GRTP1: variants seen among roughly 807,000 people sequenced by gnomAD.
GRTP1 encodes growth hormone regulated TBC protein 1.
A neutral mutation model predicts 38.1 loss-of-function variants in GRTP1; 56 were observed. The ratio of observed to expected loss-of-function variants is 1.47; its 90% CI spans 1.19 to 1.84. The LOEUF (loss-of-function observed/expected upper bound fraction) is 1.84, where lower values mean the gene tolerates loss of function less well. GRTP1 is among the 40% of genes most tolerant of loss of function. The pLI is 0.00. For synonymous variants in GRTP1, 217 were observed against 189.5 expected, an observed-to-expected ratio of 1.14 and a Z score of -1.19; for missense variants, 506 against 453.9, an observed-to-expected ratio of 1.11 and a Z score of -1.04.
In GRTP1 at chr13:113,363,967, G is replaced by A. The variant is rs563657007; in HGVS notation, c.32+53C>T. ...CCGAAGTTTCCTCTGGGGGGTCGCG[G>A]GCCCGCGCGGGGACCGCAGCCGCCG... On this transcript the variant is annotated intron_variant, in intron 1 of 7. Transcript: ENST00000375431. 1.6e-3 allele frequency: 2,429 copies of A among 1,558,250 alleles called. 10 individuals carry two copies. The highest frequency in any genetic ancestry group is 5.8e-3 in the South Asian group (497 of 85,532).
In GRTP1 at chr13:113,325,718, A is replaced by G. The variant is rs1403588635; in HGVS notation, c.864T>C (p.Asp288=). The change falls in exon 7 of 8, where the codon GAT becomes GAC. Residue 288 remains aspartate, a synonymous_variant. Coordinates refer to ENST00000375431, the MANE Select transcript of GRTP1 (RefSeq NM_024719.4). The part of the protein sequence containing the change: ...LEATSVPDIC[D]KFKQITKGSF... ...TCCCTTTGGTTATCTGCTTAAACTT[A>G]TCGCAAATGTCTGGAACGCTGGTGG... is the stretch of plus-strand genomic sequence containing the variant. The G allele has an allele frequency of 6.2e-7, 1 of 1,614,160 alleles. No homozygotes were observed.
At chr13:113,346,200 A>G (rs61966598) in intron 4 of GRTP1, among the ~76,000 whole-genome samples, 803 of 62,220 alleles carry the variant, frequency 0.013, 37 homozygotes, top group East Asian at 0.043. Context: ...GGCTGAGAGC[A>G]GACCCGGGAG....
At chr13:113,346,310 CAG>C (rs1469287912) in intron 4 of GRTP1, among the ~76,000 whole-genome samples, 1 of 51,692 alleles carries the variant, frequency 1.9e-5, no homozygotes, top group Non-Finnish European at 3.3e-5. Flanking sequence ...ACCTCTGTGG[CAG>C]AGAGCAGACC....
intron 5 of GRTP1, among the ~76,000 whole-genome samples, chr13:113,327,474 A>G (rs1047082999): frequency 7.2e-5 from 11 of 152,210 alleles, no homozygotes; most frequent in Non-Finnish European, 1.6e-4. Context: ...CACTGCGCCC[A>G]GTCTGTTCTT....
Position 113,325,690 on chromosome 13 carries a change from A to G in GRTP1, c.892T>C (p.Phe298Leu), listed in dbSNP as rs760861946. 12 of 1,614,246 alleles carry G rather than the reference A, an allele frequency of 7.4e-6. No individual in the cohort carries two copies. In the South Asian group the frequency reaches 1.3e-4, roughly 18 times the overall value. ...ATAAACGTGTGACACTCCATCACGA[A>G]ACTCCCTTTGGTTATCTGCTTAAAC... is the stretch of plus-strand genomic sequence containing the variant. ...DKFKQITKGS[F>L]VMECHTFMQK... The change falls in exon 7 of 8, where the codon TTC becomes CTC. Residue 298 changes from phenylalanine (F) to leucine (L), a missense_variant. Physicochemically the swap from Phe to Leu is conservative, Grantham distance 22 (BLOSUM62 0). Transcript: ENST00000375431.
Position 113,349,072 on chromosome 13 carries a change from C to T in GRTP1, c.465+1777G>A, listed in dbSNP as rs2043217051. On this transcript the variant is annotated intron_variant, in intron 4 of 7. Transcript: ENST00000375431. The surrounding 1 kb of genome is among the most constrained non-coding windows in gnomAD (Gnocchi z 5.0). ...TTAAGAATAGAGATGGGGTCTTGCT[C>T]TATTGCCCAGGCTGGTCTTGAACTC... Among the ~76,000 whole-genome samples, 1 of 152,136 alleles carries T rather than the reference C, an allele frequency of 6.6e-6. No homozygotes were observed. The highest frequency in any genetic ancestry group is 1.5e-5 in the Non-Finnish European group (1 of 68,016).
intron 5 of GRTP1, among the ~76,000 whole-genome samples, chr13:113,344,394 C>G (rs1165262430): frequency 1.3e-5 from 2 of 152,166 alleles, no homozygotes; most frequent in African/African-American, 4.8e-5. Context: ...CTTTTCAACT[C>G]AATTTCAAAG....
At chr13:113,326,162 CCAGA>C (rs1023514575) in intron 5 of GRTP1, 71 bp from the exon 6 acceptor site, 31 of 1,568,458 alleles carry the variant, frequency 2.0e-5, no homozygotes, top group Non-Finnish European at 2.6e-5. Context: ...CCCCTCAGAG[CCAGA>C]CAAAGACAAC....
rs1566438003 is a variant in GRTP1, at chr13:113,352,351, ATATATATT to A, written c.341-1386_341-1379del. 7.0e-5 allele frequency among the ~76,000 whole-genome samples: 7 copies of A among 99,304 alleles called. No homozygotes were observed. In the East Asian group the frequency reaches 1.7e-3, roughly 24 times the overall value. The allele number at this position is 99,304 out of a possible 152,430, so 65.1% of individuals were successfully genotyped here. A position where few individuals can be genotyped will look rare whatever the true frequency, so the allele number is the denominator to read the frequency against. On this transcript the variant is annotated intron_variant, in intron 3 of 7. Transcript: ENST00000375431. Reference sequence around the variant, plus strand: ...TTATATATATTTTATATATATATTTATATATATTTTATATATATATATATATTTATATA... The same window carrying A: ...TTATATATATTTTATATATATATTTATTATATATATATATATATTTATATA...
intron 2 of GRTP1, among the ~76,000 whole-genome samples, chr13:113,362,861 A>C (rs2043523318): frequency 6.6e-6 from 1 of 151,516 alleles, no homozygotes; most frequent in South Asian, 2.1e-4. Context: ...CTTTGACCCC[A>C]CTTCTCTGAG....
intron 2 of GRTP1, among the ~76,000 whole-genome samples, chr13:113,358,096 C>G (rs937710615): frequency 4.2e-4 from 64 of 152,128 alleles, no homozygotes; most frequent in African/African-American, 1.5e-3. Flanking sequence ...GCAGGAGAAT[C>G]GCTTGAACCT....
intron 5 of GRTP1, among the ~76,000 whole-genome samples, chr13:113,336,865 C>T (rs190029237): frequency 6.6e-6 from 1 of 152,322 alleles, no homozygotes; most frequent in Non-Finnish European, 1.5e-5. Flanking sequence ...AAACCCACCG[C>T]ACTTCCCAAG....
rs1024495347 is a variant in GRTP1 at position 113,349,175 on chromosome 13, G to C, written c.465+1674C>G. Reference sequence around the variant, plus strand: ...TAGGCAAGGGCCACCCAGGTGGGTGGTGTTTTTTTTTGTTTGTTTCTCGGT... The same window carrying C: ...TAGGCAAGGGCCACCCAGGTGGGTGCTGTTTTTTTTTGTTTGTTTCTCGGT... On this transcript the variant is annotated intron_variant, in intron 4 of 7. Transcript: ENST00000375431. The surrounding 1 kb of genome is among the most constrained non-coding windows in gnomAD (Gnocchi z 5.0). Among the ~76,000 whole-genome samples the C allele has an allele frequency of 7.3e-6, 1 of 137,712 alleles. No individual in the cohort carries two copies. Among genetic ancestry groups the C allele is most frequent in the Non-Finnish European group, 1.6e-5 (1 of 61,712 alleles). 90.3% of individuals were successfully genotyped at this position (137,712 alleles called of 152,430 possible).
chr13:113,334,280 A>ACTGCCCCCCCCCCCCCCCCCGCC (rs1202504022), intron 5 of GRTP1, among the ~76,000 whole-genome samples: 13 of 142,460 alleles, frequency 9.1e-5, no homozygotes, highest in Non-Finnish European at 1.1e-4. Flanking sequence ...CACTGCCACG[A>ACTGCCCCCCCCCCCCCCCCCGCC]CAGCCTCCCG....
rs1316658656 is a variant in GRTP1 at position 113,346,252 on chromosome 13, C to A, written c.466-1293G>T. Among the ~76,000 whole-genome samples, 57 of 81,224 alleles carry A rather than the reference C, an allele frequency of 7.0e-4. 6 individuals are homozygous for A. Among genetic ancestry groups the A allele is most frequent in the Non-Finnish European group, 8.0e-4 (32 of 39,804 alleles). 53.3% of individuals were successfully genotyped at this position (81,224 alleles called of 152,430 possible). On this transcript the variant is annotated intron_variant, in intron 4 of 7. Coordinates refer to ENST00000375431, the MANE Select transcript of GRTP1 (RefSeq NM_024719.4). ...AACAGACCCGGGAGGACCTCTGTGGCCGAGAGCAGATCCGGGAGGACCTCT... is the reference window on the plus strand; with the variant it reads ...AACAGACCCGGGAGGACCTCTGTGGACGAGAGCAGATCCGGGAGGACCTCT...
intron 2 of GRTP1, among the ~76,000 whole-genome samples, chr13:113,361,208 G>C: frequency 2.0e-5 from 1 of 51,062 alleles, no homozygotes; most frequent in Middle Eastern, 0.011. Context: ...AGAGACCAAT[G>C]CTAAAAAAAA....
chr13:113,329,146 T>C lies in GRTP1; in HGVS notation c.563-3055A>G, dbSNP rs80022704. Among the ~76,000 whole-genome samples, 1,033 of 152,328 alleles carry C rather than the reference T, an allele frequency of 6.8e-3. 17 individuals are homozygous for C. Among genetic ancestry groups the C allele is most frequent in the African/African-American group, 0.024 (978 of 41,586 alleles). On this transcript the variant is annotated intron_variant, in intron 5 of 7. Transcript: ENST00000375431. ...ATTATTCAGTCTTCGGCCAGTCCCA[T>C]GTACAGAGCCCAGCTGGGGGACCTA...
In GRTP1 at chr13:113,343,317, T is replaced by G. The variant is rs1160753675; in HGVS notation, c.562+1546A>C. Among the ~76,000 whole-genome samples the G allele has an allele frequency of 6.6e-6, 1 of 152,124 alleles. No homozygotes were observed. Among genetic ancestry groups the G allele is most frequent in the African/African-American group, 2.4e-5 (1 of 41,428 alleles). On this transcript the variant is annotated intron_variant, in intron 5 of 7. Transcript: ENST00000375431. The surrounding 1 kb of genome is among the most constrained non-coding windows in gnomAD (Gnocchi z 4.8). ...CGGCATCCTTTCCGCCCTGCGAGGT[T>G]CTGCCTGCTGCTGCTGCTGCTGCAC...
At chr13:113,361,528 A>G (rs1314491079) in intron 2 of GRTP1, 1 of 152,236 alleles carries the variant, frequency 6.6e-6, no homozygotes, top group African/African-American at 2.4e-5. Context: ...CTGTAAAAAC[A>G]AAAATTTATG....
Sources: allele counts gnomAD v4.1 joint callset (sites outside exome capture counted in the v4.1 genomes callset), GRCh38; gene constraint gnomAD v4.1.1; non-coding constraint Gnocchi (gnomAD v3.1); transcripts MANE v1.5; gene names NCBI Gene and HGNC (gene_info 2026-07-23, HGNC 2026-07-21).